PHACTR3: variants seen among roughly 807,000 people sequenced by gnomAD.
PHACTR3 encodes phosphatase and actin regulator 3.
A neutral mutation model predicts 66.8 loss-of-function variants in PHACTR3; 16 were observed. That is an observed-to-expected ratio of 0.24 (90% CI 0.16 to 0.36). The LOEUF is 0.36. PHACTR3 is among the 10% of genes least tolerant of loss of function. PHACTR3 has a pLI of 1.00. For synonymous variants in PHACTR3, 323 were observed against 292.1 expected (o/e 1.11, Z -1.08); for missense variants, 647 against 719.9 (o/e 0.90, Z 1.16).
intron 7 of PHACTR3, among the ~76,000 whole-genome samples, chr20:59,799,586 T>C (rs148855009): frequency 7.7e-4 from 118 of 152,320 alleles, no homozygotes; most frequent in Non-Finnish European, 1.3e-3. Context: ...TTGACATTAA[T>C]GTGCCCATTT....
chr20:59,836,622 T>C, intron 9 of PHACTR3, 62 bp downstream of exon 9: 3 of 1,532,318 alleles, frequency 2.0e-6, no homozygotes. Context: ...GTTGCACAAA[T>C]CCTGAGTTCC....
chr20:59,631,863 C>T (rs982726802), intron 1 of PHACTR3, among the ~76,000 whole-genome samples: 3 of 152,132 alleles, frequency 2.0e-5, no homozygotes, highest in East Asian at 1.9e-4. Flanking sequence ...GCTGTATGAA[C>T]GGGAATGCCT....
At chr20:59,807,823 G>T (rs1402572013) in intron 8 of PHACTR3, among the ~76,000 whole-genome samples, 1 of 152,144 alleles carries the variant, frequency 6.6e-6, no homozygotes, top group Non-Finnish European at 1.5e-5. Context: ...ATGTCATGAG[G>T]TGCATGTCTG....
intron 1 of PHACTR3, among the ~76,000 whole-genome samples, chr20:59,708,606 T>A (rs1214631668): frequency 6.6e-6 from 1 of 152,216 alleles, no homozygotes; most frequent in Admixed American, 6.5e-5. Flanking sequence ...GTTGCCCTGC[T>A]GGTCCCCAGA....
chr20:59,588,688 G>A (rs1212466670), intron 1 of PHACTR3, among the ~76,000 whole-genome samples: 1 of 152,050 alleles, frequency 6.6e-6, no homozygotes, highest in Non-Finnish European at 1.5e-5. Flanking sequence ...GCTGCCCTGT[G>A]CTTGCTAGTC....
chr20:59,781,731 C>T lies in PHACTR3; in HGVS notation c.1174+7241C>T, dbSNP rs115468311. 7.1e-3 allele frequency among the ~76,000 whole-genome samples: 1,076 copies of T among 152,152 alleles called. 14 individuals are homozygous for T. The highest frequency in any genetic ancestry group is 0.025 in the African/African-American group (1,036 of 41,502). On this transcript the variant is annotated intron_variant, in intron 7 of 12. Transcript: ENST00000371015. Reference sequence around the variant, plus strand: ...TGCAAGATAGTAATAAAAGGTGACCCGAGAGAGTGACTATGTACATATTAA... The same window carrying T: ...TGCAAGATAGTAATAAAAGGTGACCTGAGAGAGTGACTATGTACATATTAA...
chr20:59,630,472 C>T (rs377110798), intron 1 of PHACTR3, among the ~76,000 whole-genome samples: 11 of 152,350 alleles, frequency 7.2e-5, no homozygotes, highest in East Asian at 3.9e-4. Flanking sequence ...CTTGAGCCAC[C>T]GTTCCCAGCC....
Position 59,774,320 on chromosome 20 carries a change from G to A in PHACTR3, c.1004G>A (p.Arg335Gln), listed in dbSNP as rs113665451. 8.9e-5 allele frequency: 143 copies of A among 1,614,162 alleles called. No homozygotes were observed. In the African/African-American group the frequency reaches 1.4e-3, roughly 16 times the overall value. The change falls in exon 7 of 13, where the codon CGG becomes CAG. Residue 335 changes from arginine to glutamine, a missense_variant. By Grantham distance (43) the Arg-to-Gln change is conservative. This residue lies in a region of PHACTR3 where 577 missense variants were observed against 571.1 expected (regional missense o/e 1.01). Coordinates refer to ENST00000371015, the MANE Select transcript of PHACTR3 (RefSeq NM_080672.5). ...VRLSRTSSVE[R>Q]GKEREEAWSF... ...CTGTCGAGAACGTCCAGCGTGGAGC[G>A]GGGCAAGGAGAGGGAGGAGGCTTGG...
At chr20:59,812,679 A>G (rs532776381) in intron 8 of PHACTR3, among the ~76,000 whole-genome samples, 3 of 152,256 alleles carry the variant, frequency 2.0e-5, no homozygotes, top group Non-Finnish European at 4.4e-5. Flanking sequence ...CTGAAACTGC[A>G]TGGACGGAAA....
intron 1 of PHACTR3, among the ~76,000 whole-genome samples, chr20:59,622,993 A>AAAAAAAAAAAAAAAAAAAAAAAAAAAC: frequency 1.4e-5 from 2 of 145,968 alleles, no homozygotes; most frequent in African/African-American, 2.5e-5. Flanking sequence ...AAAAAAAAAA[A>AAAAAAAAAAAAAAAAAAAAAAAAAAAC]AAAAAAAACC....
chr20:59,747,600 A>T (rs1348909428), intron 2 of PHACTR3, among the ~76,000 whole-genome samples, 158 bp from the exon 3 acceptor site: 1 of 152,228 alleles, frequency 6.6e-6, no homozygotes, highest in African/African-American at 2.4e-5. Context: ...TTGGTAAGAA[A>T]GTTGGGCCTC....
intron 1 of PHACTR3, among the ~76,000 whole-genome samples, chr20:59,653,663 A>G (rs2035528879): frequency 6.6e-6 from 1 of 152,206 alleles, no homozygotes; most frequent in African/African-American, 2.4e-5. Flanking sequence ...ACTAACTTGG[A>G]GAAAGCAATT....
intron 7 of PHACTR3, among the ~76,000 whole-genome samples, chr20:59,782,504 G>A (rs139467233): frequency 0.022 from 3,274 of 152,194 alleles, 128 homozygotes; most frequent in African/African-American, 0.074. Context: ...CACCCACCTC[G>A]GCCTCTCAAA....
At chr20:59,683,079 C>G (rs1224231913) in intron 1 of PHACTR3, among the ~76,000 whole-genome samples, 2 of 152,184 alleles carry the variant, frequency 1.3e-5, no homozygotes, top group Admixed American at 1.3e-4. Flanking sequence ...GACGTGGACA[C>G]TTCTAGAAGG....
At chr20:59,698,766 AC>A (rs1173317588) in intron 1 of PHACTR3, among the ~76,000 whole-genome samples, 1 of 152,168 alleles carries the variant, frequency 6.6e-6, no homozygotes, top group Non-Finnish European at 1.5e-5. Context: ...TTAATTAGCT[AC>A]CATGTTCATG....
intron 1 of PHACTR3, among the ~76,000 whole-genome samples, chr20:59,627,868 A>C (rs892268464): frequency 1.3e-5 from 2 of 152,110 alleles, no homozygotes; most frequent in Non-Finnish European, 2.9e-5. Flanking sequence ...TTTATGTATC[A>C]ATATATCTAT....
chr20:59,750,890 G>T (rs1171550957), intron 3 of PHACTR3, among the ~76,000 whole-genome samples: 1 of 152,322 alleles, frequency 6.6e-6, no homozygotes, highest in East Asian at 1.9e-4. Flanking sequence ...CAGGCTCCCG[G>T]CTAAATCCTT....
intron 9 of PHACTR3, among the ~76,000 whole-genome samples, chr20:59,839,398 C>T (rs16983235): frequency 0.058 from 8,858 of 152,196 alleles, 760 homozygotes; most frequent in African/African-American, 0.19. Flanking sequence ...ATATTTGAAA[C>T]GCATCTTTTA....
intron 7 of PHACTR3, among the ~76,000 whole-genome samples, chr20:59,794,204 A>C: frequency 6.6e-6 from 1 of 151,798 alleles, no homozygotes; most frequent in Non-Finnish European, 1.5e-5. Context: ...TTCCTCCTTC[A>C]AAATGATGTT....
Sources: gnomAD v4.1 joint callset for allele counts (sites outside exome capture counted in the v4.1 genomes callset) on GRCh38, gnomAD v4.1.1 for gene constraint, gnomAD v4.1.1 regional missense constraint, MANE v1.5 for transcripts, NCBI Gene and HGNC (gene_info 2026-07-23, HGNC 2026-07-21) for gene names.